Variants in MACROD2 observed in about 807,000 individuals in gnomAD.
The protein encoded by MACROD2 is mono-ADP ribosylhydrolase 2, also known as ADP-ribose glycohydrolase MACROD2.
MACROD2 carries 36 observed loss-of-function variants against 70.4 expected under a neutral mutation model. The ratio of observed to expected loss-of-function variants is 0.51; its 90% CI spans 0.39 to 0.68. MACROD2 has a LOEUF of 0.68. Ranked by LOEUF, MACROD2 falls within the 30% of genes least tolerant of loss-of-function variation. The probability of loss-of-function intolerance (pLI) is 0.00; values close to 1 mark genes in which losing one functional copy is unlikely to be tolerated. For synonymous variants in MACROD2, 172 were observed against 178.8 expected, an observed-to-expected ratio of 0.96 and a Z score of 0.30; for missense variants, 496 against 538.4, an observed-to-expected ratio of 0.92 and a Z score of 0.78.
At chr20:15,061,106 C>T (rs2075529092) in intron 5 of MACROD2, among the ~76,000 whole-genome samples, 1 of 152,132 alleles carries the variant, frequency 6.6e-6, no homozygotes. Flanking sequence ...TTAAAAGGCC[C>T]TAATGCTTGT....
At chr20:15,737,599 A>T (rs2051042150) in intron 8 of MACROD2, among the ~76,000 whole-genome samples, 1 of 152,190 alleles carries the variant, frequency 6.6e-6, no homozygotes, top group South Asian at 2.1e-4. Context: ...CTCTCAAGAG[A>T]GCCTGTCTAC....
intron 5 of MACROD2, among the ~76,000 whole-genome samples, chr20:14,794,955 G>A (rs2072494056): frequency 6.6e-6 from 1 of 152,094 alleles, no homozygotes; most frequent in Non-Finnish European, 1.5e-5. Flanking sequence ...TATTTAAGAT[G>A]AGAACTGAAG....
intron 4 of MACROD2, among the ~76,000 whole-genome samples, chr20:14,647,211 A>G (rs188659386): frequency 1.5e-3 from 231 of 152,240 alleles, no homozygotes; most frequent in Middle Eastern, 6.8e-3. Context: ...TGAAAAATCT[A>G]TTTGTGTAAA....
At chr20:14,241,804 A>C (rs1013139246) in intron 3 of MACROD2, among the ~76,000 whole-genome samples, 2 of 152,132 alleles carry the variant, frequency 1.3e-5, no homozygotes, top group Admixed American at 6.5e-5. Context: ...CATACTTAGA[A>C]TTTAATTTTA....
At chr20:14,414,929 GT>G (rs11479088) in intron 3 of MACROD2, among the ~76,000 whole-genome samples, 43,489 of 144,884 alleles carry the variant, frequency 0.3, 6,493 homozygotes, top group Admixed American at 0.38. Context: ...CCTGCTTTAT[GT>G]TTTTTTTTTT....
intron 5 of MACROD2, among the ~76,000 whole-genome samples, chr20:15,062,065 C>G (rs1453524891): frequency 6.6e-6 from 1 of 152,080 alleles, no homozygotes; most frequent in East Asian, 1.9e-4. Flanking sequence ...TGCCCTGGGT[C>G]CTAGTGGTCA....
chr20:16,033,861 G>GGC (rs2067187959), intron 15 of MACROD2, among the ~76,000 whole-genome samples: 2 of 151,714 alleles, frequency 1.3e-5, no homozygotes, highest in Non-Finnish European at 2.9e-5. Context: ...AGGGGGTGGG[G>GGC]TGGGGGAGAA....
intron 6 of MACROD2, among the ~76,000 whole-genome samples, chr20:15,395,867 A>G (rs928984160): frequency 5.3e-5 from 8 of 152,152 alleles, no homozygotes; most frequent in African/African-American, 1.9e-4. Flanking sequence ...CAGACCTAGT[A>G]CTGTCCACTC....
At chr20:14,500,360 T>G (rs1409059104) in intron 4 of MACROD2, among the ~76,000 whole-genome samples, 1 of 152,238 alleles carries the variant, frequency 6.6e-6, no homozygotes, top group Non-Finnish European at 1.5e-5. Flanking sequence ...CTCCCCGCTT[T>G]ACTTTCTCTT....
At chr20:14,681,066 G>A (rs1319862185) in intron 4 of MACROD2, among the ~76,000 whole-genome samples, 2 of 152,062 alleles carry the variant, frequency 1.3e-5, no homozygotes, top group African/African-American at 4.8e-5. Context: ...AATTATCAGG[G>A]AAATGTGCAT....
intron 6 of MACROD2, among the ~76,000 whole-genome samples, chr20:15,359,831 C>G (rs7271560): frequency 3.3e-5 from 5 of 152,072 alleles, no homozygotes; most frequent in Non-Finnish European, 7.4e-5. Context: ...ATTCATTTTG[C>G]GTAACTAGGT....
At chr20:15,430,738 TAAA>T (rs965118871) in intron 6 of MACROD2, among the ~76,000 whole-genome samples, 5 of 151,948 alleles carry the variant, frequency 3.3e-5, no homozygotes, top group African/African-American at 9.7e-5. Flanking sequence ...TGTACTGACA[TAAA>T]GAACATGTAG....
At chr20:15,203,957 G>C (rs923306998) in intron 5 of MACROD2, among the ~76,000 whole-genome samples, 1 of 152,080 alleles carries the variant, frequency 6.6e-6, no homozygotes, top group East Asian at 1.9e-4. Flanking sequence ...TTGTGTGTAT[G>C]TGAGTGTGAA....
At chr20:14,083,690 G>A (rs1226570471) in intron 2 of MACROD2, among the ~76,000 whole-genome samples, 3 of 152,116 alleles carry the variant, frequency 2.0e-5, no homozygotes, top group African/African-American at 7.2e-5. Context: ...TATATTTTGA[G>A]GTTCCTAAAG....
chr20:14,241,487 G>A (rs745524698), intron 3 of MACROD2, among the ~76,000 whole-genome samples: 1 of 151,828 alleles, frequency 6.6e-6, no homozygotes, highest in Non-Finnish European at 1.5e-5. Flanking sequence ...ATGGAAACAC[G>A]TACATTGTGA....
Position 15,239,125 on chromosome 20 carries a change from A to G in MACROD2, c.540+9064A>G, listed in dbSNP as rs188814342. On this transcript the variant is annotated intron_variant, in intron 6 of 17. Coordinates refer to ENST00000684519, the MANE Select transcript of MACROD2 (RefSeq NM_001351661.2). Reference sequence around the variant, plus strand: ...AATTTTGGCATATATCTAGAGGGTTAATAGTATAGAGCAAAGGCAATGGCT... The same window carrying G: ...AATTTTGGCATATATCTAGAGGGTTGATAGTATAGAGCAAAGGCAATGGCT... 1.9e-3 allele frequency among the ~76,000 whole-genome samples: 284 copies of G among 152,130 alleles called. 2 individuals carry two copies. Among genetic ancestry groups the G allele is most frequent in the African/African-American group, 6.7e-3 (277 of 41,518 alleles).
rs1374995014 is a variant in MACROD2 at position 15,105,963 on chromosome 20, A to G, written c.419-123977A>G. ...ATGAGAGTACATTTCTAATGTTCTC[A>G]TCACAAAAAAGTTGTGTGATGCATA... is the stretch of plus-strand genomic sequence containing the variant. On this transcript the variant is annotated intron_variant, in intron 5 of 17. Transcript: ENST00000684519. Among the ~76,000 whole-genome samples the G allele has an allele frequency of 3.9e-5, 6 of 152,320 alleles. No individual in the cohort carries two copies. The East Asian group carries it at 5.8e-4, about 15-fold the overall frequency.
intron 3 of MACROD2, among the ~76,000 whole-genome samples, chr20:14,378,340 T>C (rs1006970411): frequency 1.3e-5 from 2 of 152,186 alleles, no homozygotes; most frequent in African/African-American, 4.8e-5. Context: ...CCTCTGGGAG[T>C]TGCCCTCAGT....
At chr20:14,043,531 T>G (rs781559097) in intron 2 of MACROD2, among the ~76,000 whole-genome samples, 10 of 152,090 alleles carry the variant, frequency 6.6e-5, no homozygotes, top group Non-Finnish European at 1.2e-4. Flanking sequence ...ATTGGATAGG[T>G]GTGATTGAAG....
Sources: gnomAD v4.1 joint callset for allele counts (sites outside exome capture counted in the v4.1 genomes callset) on GRCh38, gnomAD v4.1.1 for gene constraint, MANE v1.5 for transcripts, NCBI Gene and HGNC (gene_info 2026-07-23, HGNC 2026-07-21) for gene names.